CLIC5: variants seen among roughly 807,000 people sequenced by gnomAD.
CLIC5 encodes the protein CLIC family member 5.
Under a neutral mutation model 24.7 loss-of-function variants are expected in CLIC5, and 20 were observed. That is an observed-to-expected ratio of 0.81 (90% confidence interval 0.57 to 1.18). The LOEUF (loss-of-function observed/expected upper bound fraction) is 1.18. Ranked by LOEUF, CLIC5 falls within the 50% of genes most tolerant of loss-of-function variation. CLIC5 has a pLI of 0.00. For synonymous variants in CLIC5, 159 were observed against 135.6 expected (o/e 1.17, Z -1.20); for missense variants, 341 against 326.1 (o/e 1.05, Z -0.35).
chr6:45,945,126 G>T (rs1764248950), intron 3 of CLIC5, among the ~76,000 whole-genome samples: 1 of 152,098 alleles, frequency 6.6e-6, no homozygotes, highest in Admixed American at 6.5e-5. Context: ...ATTGCACCTG[G>T]GAGACAGACC....
rs1317738236 is a variant in CLIC5, at chr6:45,934,707, G to A, written c.406+6840C>T. On this transcript the variant is annotated intron_variant, in intron 4 of 5. Coordinates refer to ENST00000339561, the MANE Select transcript of CLIC5 (RefSeq NM_016929.5). Reference sequence around the variant, plus strand: ...TACTGAATTTTTGTCTTAGGCTACAGGCATAGGCATGCCTACTTCCTCTCC... The same window carrying A: ...TACTGAATTTTTGTCTTAGGCTACAAGCATAGGCATGCCTACTTCCTCTCC... 2.0e-5 allele frequency among the ~76,000 whole-genome samples: 3 copies of A among 152,216 alleles called. No homozygotes were observed. In the East Asian group the frequency reaches 5.8e-4, roughly 29 times the overall value.
At chr6:46,012,633 G>C (rs1356382892) in intron 1 of CLIC5, among the ~76,000 whole-genome samples, 1 of 152,208 alleles carries the variant, frequency 6.6e-6, no homozygotes, top group Non-Finnish European at 1.5e-5. Context: ...TTGGAAAAGA[G>C]CAAGAAATTC....
intron 4 of CLIC5, among the ~76,000 whole-genome samples, chr6:45,919,487 T>TC (rs1025230011): frequency 4.0e-5 from 6 of 150,764 alleles, no homozygotes; most frequent in African/African-American, 1.5e-4. Flanking sequence ...TCCCTGACCC[T>TC]CCCCCCCACC....
At chr6:46,024,992 G>A (rs1281650802) in intron 1 of CLIC5, among the ~76,000 whole-genome samples, 1 of 149,280 alleles carries the variant, frequency 6.7e-6, no homozygotes, top group Non-Finnish European at 1.5e-5. Flanking sequence ...GATCATACAT[G>A]GTACAGAATA....
rs1324356258 is a variant in CLIC5 at position 45,900,343 on chromosome 6, T to C, written c.*2745A>G. On this transcript the variant is annotated 3_prime_UTR_variant, in exon 6 of 6. Coordinates refer to ENST00000339561, the MANE Select transcript of CLIC5 (RefSeq NM_016929.5). ...GCGATTTGTATTCATTCAGGACCAATGAAAAGGAAGCCTCCTACCCTATAG... is the reference window on the plus strand; with the variant it reads ...GCGATTTGTATTCATTCAGGACCAACGAAAAGGAAGCCTCCTACCCTATAG... 1 of 152,050 alleles carries C rather than the reference T, an allele frequency of 6.6e-6. No individual in the cohort carries two copies. The highest frequency in any genetic ancestry group is 2.4e-5 in the African/African-American group (1 of 41,382). 9.4% of individuals were successfully genotyped at this position (152,050 alleles called of 1,614,324 possible).
At chr6:45,904,842 A>C (rs1210509393) in intron 5 of CLIC5, among the ~76,000 whole-genome samples, 1 of 151,096 alleles carries the variant, frequency 6.6e-6, no homozygotes, top group Non-Finnish European at 1.5e-5. Context: ...CCTGTCACCT[A>C]AATAATGAGC....
intron 5 of CLIC5, among the ~76,000 whole-genome samples, chr6:45,909,599 G>A (rs552173922): frequency 1.8e-4 from 27 of 152,272 alleles, no homozygotes; most frequent in African/African-American, 6.0e-4. Flanking sequence ...GCTGAAAATA[G>A]GCCCTCAATC....
At chr6:45,909,261 G>T (rs1762748426) in intron 5 of CLIC5, among the ~76,000 whole-genome samples, 1 of 152,042 alleles carries the variant, frequency 6.6e-6, no homozygotes, top group Non-Finnish European at 1.5e-5. Flanking sequence ...TTCAAGTGGG[G>T]CACTTAGATC....
At chr6:45,952,281 G>A (rs565181612) in intron 2 of CLIC5, among the ~76,000 whole-genome samples, 49 of 152,194 alleles carry the variant, frequency 3.2e-4, no homozygotes, top group Admixed American at 3.1e-3. Flanking sequence ...TTATAGTTGA[G>A]ACTATATCAT....
chr6:46,017,091 C>G (rs908945692), upstream of CLIC5, among the ~76,000 whole-genome samples: 1 of 152,142 alleles, frequency 6.6e-6, no homozygotes, highest in Non-Finnish European at 1.5e-5. Context: ...TATAAGAATG[C>G]TCTCCTTGTG....
At chr6:46,045,697 T>G (rs1460143706) in intron 1 of CLIC5, among the ~76,000 whole-genome samples, 1 of 152,184 alleles carries the variant, frequency 6.6e-6, no homozygotes, top group Non-Finnish European at 1.5e-5. Flanking sequence ...GTCAAAATAA[T>G]TTTATCTTTA....
At chr6:45,912,048 G>C in intron 5 of CLIC5, 1 of 985,916 alleles carries the variant, frequency 1.0e-6, no homozygotes, top group African/African-American at 1.7e-5. Flanking sequence ...GGGTAAGGAT[G>C]CACACGGAGA....
chr6:45,887,366 G>A (rs941123990), intron 6 of CLIC5, among the ~76,000 whole-genome samples: 6 of 152,110 alleles, frequency 3.9e-5, no homozygotes, highest in Non-Finnish European at 8.8e-5. Context: ...TTGGCTTGTG[G>A]CAGCACTTCA....
the CLIC5 span, among the ~76,000 whole-genome samples, chr6:46,122,773 C>T: frequency 3.9e-5 from 6 of 152,190 alleles, no homozygotes; most frequent in Non-Finnish European, 7.3e-5. Context: ...CACAGAAATA[C>T]AAACTACCAT....
rs1368702309 is a variant in CLIC5 at position 46,080,175 on chromosome 6, T to C, written c.68A>G (p.Asp23Gly). The change falls in exon 1 of 6, where the codon GAC (aspartate) becomes GGC (glycine). Residue 23 changes from aspartate (D) to glycine (G), a missense_variant. Physicochemically the swap from Asp to Gly is moderately conservative, Grantham distance 94 (BLOSUM62 -1). Transcript: ENST00000185206. ...GGGACTTTCATTTTCTTCTGGCTGG[T>C]CTGGAACCTCATACGTCCTCTCATT... The C allele has an allele frequency of 3.2e-6, 5 of 1,551,708 alleles. No individual in the cohort carries two copies. In the East Asian group the frequency reaches 9.8e-5, roughly 30 times the overall value.
chr6:45,943,478 G>A (rs1764198735), intron 3 of CLIC5, among the ~76,000 whole-genome samples: 2 of 152,236 alleles, frequency 1.3e-5, no homozygotes, highest in African/African-American at 4.8e-5. Context: ...CCAAGACACA[G>A]GAATTCAGTG....
intron 1 of CLIC5, among the ~76,000 whole-genome samples, chr6:45,976,525 A>G (rs2127409341): frequency 6.6e-6 from 1 of 152,340 alleles, no homozygotes; most frequent in South Asian, 2.1e-4. Flanking sequence ...TTAGACATAG[A>G]AGCTTACATT....
intron 1 of CLIC5, among the ~76,000 whole-genome samples, chr6:45,987,199 T>C (rs1305378869): frequency 6.6e-6 from 1 of 152,222 alleles, no homozygotes; most frequent in Non-Finnish European, 1.5e-5. Flanking sequence ...CTTATTAACA[T>C]CACTTCTCAC....
chr6:46,106,122 T>G, the CLIC5 span, among the ~76,000 whole-genome samples: 1 of 152,174 alleles, frequency 6.6e-6, no homozygotes, highest in African/African-American at 2.4e-5. Context: ...AATGGAAAAG[T>G]GGAACAGAGT....
Sources: gnomAD v4.1 joint callset for allele counts (sites outside exome capture counted in the v4.1 genomes callset) on GRCh38, gnomAD v4.1.1 for gene constraint, MANE v1.5 for transcripts, NCBI Gene and HGNC (gene_info 2026-07-23, HGNC 2026-07-21) for gene names.